The following ASIC2 variants were observed in gnomAD, a reference collection of about 807,000 sequenced individuals.
ASIC2 encodes acid-sensing ion channel 2.
A neutral mutation model predicts 57.3 loss-of-function variants in ASIC2; 25 were observed. The observed-to-expected ratio is 0.44, with a 90% CI of 0.32 to 0.61. The LOEUF (loss-of-function observed/expected upper bound fraction) is 0.61, where lower values mean the gene tolerates loss of function less well. Ranked by LOEUF, ASIC2 falls within the 20% of genes least tolerant of loss-of-function variation. The pLI is 0.06. For missense variants in ASIC2, 641 were observed against 738.1 expected, an observed-to-expected ratio of 0.87 and a Z score of 1.52; for synonymous variants, 319 against 307.5, an observed-to-expected ratio of 1.04 and a Z score of -0.39.
chr17:33,197,718 TAGA>T (rs1331117891), intron 1 of ASIC2, among the ~76,000 whole-genome samples: 1 of 152,154 alleles, frequency 6.6e-6, no homozygotes, highest in Non-Finnish European at 1.5e-5. Flanking sequence ...ACAGCTAAAA[TAGA>T]AGGACAATTC....
intron 1 of ASIC2, chr17:33,828,246 AG>A (rs1691361766): frequency 6.6e-6 from 1 of 152,158 alleles, no homozygotes; most frequent in Non-Finnish European, 1.5e-5. Context: ...TTTAAATCTG[AG>A]GGTATTTAGT....
At chr17:33,381,791 C>T (rs544515805) in intron 1 of ASIC2, among the ~76,000 whole-genome samples, 4 of 152,326 alleles carry the variant, frequency 2.6e-5, no homozygotes, top group African/African-American at 9.6e-5. Context: ...ATCCCAACTC[C>T]TCCATTACTA....
At chr17:33,813,344 C>T (rs560990918) in intron 1 of ASIC2, among the ~76,000 whole-genome samples, 12 of 152,290 alleles carry the variant, frequency 7.9e-5, no homozygotes, top group African/African-American at 2.6e-4. Flanking sequence ...CTCAACCGCA[C>T]TCAAGGTTGA....
intron 1 of ASIC2, among the ~76,000 whole-genome samples, chr17:33,978,907 G>A (rs951259463): frequency 3.3e-5 from 5 of 152,114 alleles, no homozygotes; most frequent in Admixed American, 6.5e-5. Flanking sequence ...CACACTTGGG[G>A]GGCTTACAGG....
intron 1 of ASIC2, among the ~76,000 whole-genome samples, chr17:33,953,062 T>G (rs889998196): frequency 6.6e-6 from 1 of 152,206 alleles, no homozygotes; most frequent in African/African-American, 2.4e-5. Flanking sequence ...TTTCTAACCT[T>G]TATTTATGAC....
At chr17:33,367,708 A>AGATCTTTAGT (rs1908870589) in intron 1 of ASIC2, among the ~76,000 whole-genome samples, 2 of 152,186 alleles carry the variant, frequency 1.3e-5, no homozygotes, top group Non-Finnish European at 1.5e-5. Context: ...TCTTTAGTAA[A>AGATCTTTAGT]AACTCAGGGC....
intron 1 of ASIC2, among the ~76,000 whole-genome samples, chr17:33,272,456 T>A (rs35397558): frequency 0.012 from 1,858 of 152,308 alleles, 14 homozygotes; most frequent in Non-Finnish European, 0.019. Flanking sequence ...TAAACTGAAT[T>A]CTGAAGTAGA....
intron 1 of ASIC2, among the ~76,000 whole-genome samples, chr17:33,231,429 G>A (rs1053385930): frequency 5.9e-5 from 9 of 152,172 alleles, no homozygotes; most frequent in Admixed American, 4.6e-4. Context: ...GTGCATGGCT[G>A]GATGGGGGCC....
chr17:33,565,689 A>G (rs1916212871), intron 1 of ASIC2: 1 of 152,240 alleles, frequency 6.6e-6, no homozygotes, highest in Non-Finnish European at 1.5e-5. Flanking sequence ...ATGTGAACCA[A>G]TTCTGGCCAA....
chr17:33,294,193 A>G (rs528421811), upstream of ASIC2, among the ~76,000 whole-genome samples: 1 of 152,166 alleles, frequency 6.6e-6, no homozygotes, highest in East Asian at 1.9e-4. Context: ...TTGGAGCCCC[A>G]TTACTCCATG....
intron 1 of ASIC2, among the ~76,000 whole-genome samples, chr17:33,369,841 G>A (rs867986169): frequency 2.6e-5 from 4 of 152,224 alleles, no homozygotes; most frequent in African/African-American, 2.4e-5. Context: ...GATCCATTTC[G>A]AGAGCATATT....
chr17:33,291,324 G>A, intron 1 of ASIC2, 84 bp downstream of exon 1: 1 of 1,488,832 alleles, frequency 6.7e-7, no homozygotes, highest in Non-Finnish European at 8.9e-7. Context: ...CCTGGGGACA[G>A]CCCCGAGGGG....
At chr17:33,051,804 C>T (rs1234287326) in intron 3 of ASIC2, among the ~76,000 whole-genome samples, 1 of 152,148 alleles carries the variant, frequency 6.6e-6, no homozygotes, top group Non-Finnish European at 1.5e-5. Context: ...CAAAAGAGGA[C>T]AGAAAAATTT....
At chr17:34,053,212 G>A (rs1427610522) in intron 1 of ASIC2, among the ~76,000 whole-genome samples, 2 of 152,120 alleles carry the variant, frequency 1.3e-5, no homozygotes, top group Non-Finnish European at 2.9e-5. Context: ...CTCTCTCTCA[G>A]GCTGGCGGCT....
chr17:33,816,614 A>G (rs1313457505), intron 1 of ASIC2: 1 of 152,114 alleles, frequency 6.6e-6, no homozygotes, highest in Non-Finnish European at 1.5e-5. Flanking sequence ...CAGACATCAC[A>G]TGAAAAAAGT....
At chr17:33,330,293 C>T (rs1907258548) in intron 1 of ASIC2, among the ~76,000 whole-genome samples, 1 of 152,116 alleles carries the variant, frequency 6.6e-6, no homozygotes, top group Admixed American at 6.5e-5. Context: ...AAACTAGACA[C>T]CTACAGTCTC....
chr17:33,436,880 T>G (rs867542997), intron 1 of ASIC2, among the ~76,000 whole-genome samples: 1 of 130,464 alleles, frequency 7.7e-6, no homozygotes, highest in African/African-American at 2.9e-5. Context: ...TTTTTTTTTT[T>G]TTTGAGACGG....
chr17:33,725,046 G>A (rs572361686), intron 1 of ASIC2, among the ~76,000 whole-genome samples: 6 of 152,336 alleles, frequency 3.9e-5, no homozygotes, highest in South Asian at 2.1e-4. Context: ...TTGTCGGGAC[G>A]CCCCTTCTGG....
chr17:33,250,562 G>T (rs1199000158), intron 1 of ASIC2, among the ~76,000 whole-genome samples: 1 of 152,254 alleles, frequency 6.6e-6, no homozygotes, highest in Non-Finnish European at 1.5e-5. Context: ...ATGTTCTCGG[G>T]CAAGTCACTG....
Sources: gnomAD v4.1 joint callset for allele counts (sites outside exome capture counted in the v4.1 genomes callset) on GRCh38, gnomAD v4.1.1 for gene constraint, MANE v1.5 for transcripts, NCBI Gene and HGNC (gene_info 2026-07-23, HGNC 2026-07-21) for gene names.